The following MBD5 variants were observed in gnomAD, a reference collection of about 807,000 sequenced individuals.
The protein encoded by MBD5 is methyl-CpG-binding domain protein 5.
In MBD5, 13 loss-of-function variants were observed where a neutral mutation model predicts 117.3. The ratio of observed to expected loss-of-function variants is 0.11; its 90% CI spans 0.07 to 0.18. The LOEUF (loss-of-function observed/expected upper bound fraction) is 0.18, where lower values mean the gene tolerates loss of function less well. Among genes scored for constraint, MBD5 ranks in the 10% least tolerant of loss-of-function variants. The pLI, the probability that MBD5 is intolerant of heterozygous loss-of-function variation, is 1.00. For synonymous variants in MBD5, 727 were observed against 766.4 expected, an observed-to-expected ratio of 0.95 and a Z score of 0.85; for missense variants, 1,879 against 2,093.8, an observed-to-expected ratio of 0.90 and a Z score of 2.00.
At chr2:148,214,630 C>T (rs1342987090) in intron 2 of MBD5, among the ~76,000 whole-genome samples, 1 of 152,146 alleles carries the variant, frequency 6.6e-6, no homozygotes, top group African/African-American at 2.4e-5. Context: ...AATTTGTTAC[C>T]AGTAGCTCCT....
At chr2:148,067,379 TTAGACA>T (rs1402976120) in intron 1 of MBD5, among the ~76,000 whole-genome samples, 1 of 152,202 alleles carries the variant, frequency 6.6e-6, no homozygotes, top group East Asian at 1.9e-4. Context: ...CAAATTATCG[TTAGACA>T]TAGAGCAAGC....
intron 4 of MBD5, among the ~76,000 whole-genome samples, chr2:148,449,021 T>C (rs1574436461): frequency 2.6e-5 from 4 of 152,210 alleles, no homozygotes; most frequent in Admixed American, 2.6e-4. Flanking sequence ...GAATAAATCA[T>C]GAATAATTTT....
At chr2:148,330,194 T>TC (rs58483898) in intron 3 of MBD5, among the ~76,000 whole-genome samples, 41,842 of 151,086 alleles carry the variant, frequency 0.28, 5,982 homozygotes, top group Admixed American at 0.31. Flanking sequence ...GACTCCCAGC[T>TC]TCTCTCTCTC....
rs527725200 is a variant in MBD5, at chr2:148,326,619, T to C, written c.-679-15595T>C. On this transcript the variant is annotated intron_variant, in intron 3 of 13. Coordinates refer to ENST00000642680, the MANE Select transcript of MBD5 (RefSeq NM_001378120.1). Reference sequence around the variant, plus strand: ...CCTTCTTTGTCTCTTTTGATCTTTGTTGGTTTAAAGTCTGTTTTATCAGAG... The same window carrying C: ...CCTTCTTTGTCTCTTTTGATCTTTGCTGGTTTAAAGTCTGTTTTATCAGAG... 7.0e-3 allele frequency among the ~76,000 whole-genome samples: 1,065 copies of C among 152,264 alleles called. 9 individuals are homozygous for C. The highest frequency in any genetic ancestry group is 9.8e-3 in the Non-Finnish European group (667 of 68,024).
chr2:148,063,724 A>G (rs1430260347), intron 1 of MBD5, among the ~76,000 whole-genome samples: 1 of 152,004 alleles, frequency 6.6e-6, no homozygotes, highest in East Asian at 1.9e-4. Flanking sequence ...TGTACAATTT[A>G]CACGTCCTGA....
rs374454551 is a variant in MBD5 at position 148,469,437 on chromosome 2, G to T, written c.1494G>T (p.Gly498=). Residue 498 remains glycine (G), a synonymous_variant, in exon 8 of 14, where the codon GGG becomes GGT. Transcript: ENST00000642680. ...CCAGGTCACCAAGGTCAACAATAGG[G>T]TCCCCAAGGCCATCAATGCCATCAA... The part of the protein sequence containing the change: ...VPPRSPRSTI[G]SPRPSMPSSP... 2 of 1,613,746 alleles carry T rather than the reference G, an allele frequency of 1.2e-6. No homozygotes were observed. The highest frequency in any genetic ancestry group is 1.3e-5 in the African/African-American group (1 of 74,982).
At chr2:148,039,664 G>C (rs1694300422) in intron 1 of MBD5, among the ~76,000 whole-genome samples, 1 of 137,476 alleles carries the variant, frequency 7.3e-6, no homozygotes, top group East Asian at 2.5e-4. Context: ...TTATTAAGTG[G>C]GTTACTACTG....
intron 3 of MBD5, among the ~76,000 whole-genome samples, chr2:148,309,655 C>T (rs1439880308): frequency 2.6e-5 from 4 of 152,148 alleles, no homozygotes; most frequent in African/African-American, 7.2e-5. Flanking sequence ...TGCCTGATTG[C>T]CCCAGCCAGA....
At chr2:148,110,255 T>C (rs886814616) in intron 1 of MBD5, among the ~76,000 whole-genome samples, 7 of 152,166 alleles carry the variant, frequency 4.6e-5, no homozygotes, top group African/African-American at 1.7e-4. Flanking sequence ...TAGTGAGACG[T>C]TGAGCCAGAA....
chr2:148,255,106 C>CA lies in MBD5; in HGVS notation c.-680+21713dup, dbSNP rs543274267. On this transcript the variant is annotated intron_variant, in intron 3 of 13. Coordinates refer to ENST00000642680, the MANE Select transcript of MBD5 (RefSeq NM_001378120.1). ...TCAGCATAGGTGTGGGCCCAGTCCA[C>CA]AATGCAGTTGGAGCATGTTAACCTA... 1.6e-4 allele frequency among the ~76,000 whole-genome samples: 25 copies of CA among 152,330 alleles called. No individual in the cohort carries two copies. In the East Asian group the frequency reaches 4.6e-3, roughly 28 times the overall value.
At chr2:148,213,169 G>C (rs1840139) in intron 2 of MBD5, among the ~76,000 whole-genome samples, 1 of 151,938 alleles carries the variant, frequency 6.6e-6, no homozygotes, top group Non-Finnish European at 1.5e-5. Context: ...AAATAATGAT[G>C]AACAAGTGGT....
chr2:148,229,883 C>T (rs572661988), intron 2 of MBD5, among the ~76,000 whole-genome samples: 5 of 151,164 alleles, frequency 3.3e-5, no homozygotes, highest in Middle Eastern at 3.5e-3. Context: ...ACCCCACCCC[C>T]ATCTCTGTCT....
intron 4 of MBD5, among the ~76,000 whole-genome samples, chr2:148,391,783 T>C (rs1574372859): frequency 6.6e-6 from 1 of 152,172 alleles, no homozygotes; most frequent in East Asian, 1.9e-4. Flanking sequence ...AGTTATCAGA[T>C]AAAAGCAAAT....
intron 1 of MBD5, among the ~76,000 whole-genome samples, chr2:148,043,621 G>T (rs149197428): frequency 6.6e-6 from 1 of 152,166 alleles, no homozygotes; most frequent in Non-Finnish European, 1.5e-5. Flanking sequence ...TCTGCCTTTG[G>T]CCTAGAAGCA....
intron 4 of MBD5, among the ~76,000 whole-genome samples, chr2:148,394,563 T>C (rs1180719361): frequency 6.7e-6 from 1 of 148,232 alleles, no homozygotes; most frequent in East Asian, 2.0e-4. Context: ...TTTTTTTTCA[T>C]TTTTTTGTTC....
chr2:148,269,778 A>AT lies in MBD5; in HGVS notation c.-680+36389dup, dbSNP rs1019067032. ...ATTATCTTCTATTATATCTACTGTTATTTTTTCCTCTATATTTCCCTACAT... is the reference window on the plus strand; with the variant it reads ...ATTATCTTCTATTATATCTACTGTTATTTTTTTCCTCTATATTTCCCTACAT... On this transcript the variant is annotated intron_variant, in intron 3 of 13. Coordinates refer to ENST00000642680, the MANE Select transcript of MBD5 (RefSeq NM_001378120.1). Among the ~76,000 whole-genome samples, 11 of 139,366 alleles carry AT rather than the reference A, an allele frequency of 7.9e-5. 1 individual carries two copies. Among genetic ancestry groups the AT allele is most frequent in the African/African-American group, 2.1e-4 (8 of 37,270 alleles). 91.4% of individuals were successfully genotyped at this position (139,366 alleles called of 152,430 possible). A position where few individuals can be genotyped will look rare whatever the true frequency, so the allele number is the denominator to read the frequency against.
chr2:148,418,227 T>A (rs1705485068), intron 4 of MBD5, among the ~76,000 whole-genome samples: 1 of 152,306 alleles, frequency 6.6e-6, no homozygotes, highest in Non-Finnish European at 1.5e-5. Flanking sequence ...AAATATTTTC[T>A]CCTATTCTGT....
chr2:148,216,426 T>C (rs1252727023), intron 2 of MBD5, among the ~76,000 whole-genome samples: 3 of 152,216 alleles, frequency 2.0e-5, no homozygotes, highest in Non-Finnish European at 1.5e-5. Flanking sequence ...TTTTATATTA[T>C]TGATGTCTCA....
At chr2:148,244,088 A>G (rs1250238208) in intron 3 of MBD5, 2 of 151,066 alleles carry the variant, frequency 1.3e-5, no homozygotes, top group East Asian at 1.9e-4. Context: ...CTATGTATGT[A>G]TGTTAACTGT....
Sources: allele counts gnomAD v4.1 joint callset (sites outside exome capture counted in the v4.1 genomes callset), GRCh38; gene constraint gnomAD v4.1.1; transcripts MANE v1.5; gene names NCBI Gene and HGNC (gene_info 2026-07-23, HGNC 2026-07-21).